The following NUP210 variants were observed in gnomAD, a reference collection of about 807,000 sequenced individuals.
NUP210 encodes nuclear pore membrane glycoprotein 210.
Under a neutral mutation model 196.0 loss-of-function variants are expected in NUP210, and 151 were observed. The ratio of observed to expected loss-of-function variants is 0.77; its 90% CI spans 0.67 to 0.88. The LOEUF is 0.88. NUP210 is among the 40% of genes least tolerant of loss of function. The pLI is 0.00. For synonymous variants in NUP210, 1,070 were observed against 1,052.7 expected, an observed-to-expected ratio of 1.02 and a Z score of -0.32; for missense variants, 2,314 against 2,493.7, an observed-to-expected ratio of 0.93 and a Z score of 1.53.
intron 13 of NUP210, among the ~76,000 whole-genome samples, chr3:13,368,568 T>C (rs532316587): frequency 6.6e-6 from 1 of 152,314 alleles, no homozygotes; most frequent in East Asian, 1.9e-4. Context: ...CTGCACCCAA[T>C]ATACAGTAAC....
In NUP210 at chr3:13,330,447, A is replaced by G; in HGVS notation, c.4110+13T>C. 1 of 1,611,956 alleles carries G rather than the reference A, an allele frequency of 6.2e-7. No individual in the cohort carries two copies. The highest frequency in any genetic ancestry group is 1.1e-5 in the South Asian group (1 of 90,894). On this transcript the variant is annotated intron_variant, in intron 30 of 39. Transcript: ENST00000254508. ...CTTTCATTACTCCAAAAAGGAGGAG[A>G]ATGCAACCCTACCTTTACAGCAACA...
In NUP210 at chr3:13,347,236, G is replaced by A. The variant is rs954375115; in HGVS notation, c.2836-3933C>T. The stretch of plus-strand genomic sequence containing the variant: ...CCCGGCTTCATTCCCTCCTGAATCC[G>A]CAGTGCTTAACACAGCACCTGGCAC... On this transcript the variant is annotated intron_variant, in intron 20 of 39. Coordinates refer to ENST00000254508, the MANE Select transcript of NUP210 (RefSeq NM_024923.4). The surrounding 1 kb of genome is among the most constrained non-coding windows in gnomAD (Gnocchi z 4.7). 2.7e-5 allele frequency: 27 copies of A among 984,742 alleles called. No homozygotes were observed. The East Asian group carries it at 4.5e-4, about 17-fold the overall frequency. The allele number at this position is 984,742 out of a possible 1,614,324, so 61.0% of individuals were successfully genotyped here. A position where few individuals can be genotyped will look rare whatever the true frequency, so the allele number is the denominator to read the frequency against.
chr3:13,337,763 A>T lies in NUP210; in HGVS notation c.3552+74T>A. On this transcript the variant is annotated intron_variant, in intron 26 of 39. Coordinates refer to ENST00000254508, the MANE Select transcript of NUP210 (RefSeq NM_024923.4). ...AGGCAGATGGAGGAGGTGGAGAAGC[A>T]CTCTAACTTGAGGACAGGGTCCCAG... 2.9e-6 allele frequency: 4 copies of T among 1,365,368 alleles called. No homozygotes were observed. The South Asian group carries it at 4.9e-5, about 17-fold the overall frequency. 84.6% of individuals were successfully genotyped at this position (1,365,368 alleles called of 1,614,324 possible).
chr3:13,349,823 G>C (rs1697904898), intron 20 of NUP210, among the ~76,000 whole-genome samples: 1 of 152,234 alleles, frequency 6.6e-6, no homozygotes, highest in South Asian at 2.1e-4. Context: ...GAGAGCCTGG[G>C]AGGTGTGGGC....
chr3:13,332,591 G>A (rs980313774), intron 28 of NUP210, among the ~76,000 whole-genome samples: 1 of 152,136 alleles, frequency 6.6e-6, no homozygotes, highest in African/African-American at 2.4e-5. Flanking sequence ...CTCAGCCAAG[G>A]CAACACAGCA....
rs772821025 is a variant in NUP210, at chr3:13,335,523, C to G, written c.3774G>C (p.Lys1258Asn). The G allele has an allele frequency of 3.1e-6, 5 of 1,614,010 alleles. No homozygotes were observed. Among genetic ancestry groups the G allele is most frequent in the Non-Finnish European group, 4.2e-6 (5 of 1,180,046 alleles). The change falls in exon 28 of 40, where the codon AAG becomes AAC. Residue 1258 changes from lysine to asparagine, a missense_variant. Transcript: ENST00000254508. The part of the protein sequence containing the change: ...KGRTGLRVVV[K>N]AVDPTSGQLY... ...GCTGCCCCGATGTGGGGTCCACAGCCTTGACCACCACCCTCAGCCCGGTCC... is the reference window on the plus strand; with the variant it reads ...GCTGCCCCGATGTGGGGTCCACAGCGTTGACCACCACCCTCAGCCCGGTCC...
intron 3 of NUP210, among the ~76,000 whole-genome samples, chr3:13,391,752 G>A (rs967666627): frequency 2.0e-5 from 3 of 151,440 alleles, no homozygotes; most frequent in African/African-American, 7.3e-5. Context: ...CCAGGGTGGA[G>A]GGGCATTACC....
intron 37 of NUP210, 47 bp downstream of exon 37, chr3:13,319,716 C>A: frequency 6.5e-7 from 1 of 1,544,302 alleles, no homozygotes; most frequent in South Asian, 1.1e-5. Flanking sequence ...TCCTGCCTGT[C>A]CCTCCCCATC....
intron 16 of NUP210, among the ~76,000 whole-genome samples, chr3:13,356,270 G>A (rs536380061): frequency 6.6e-6 from 1 of 152,342 alleles, no homozygotes; most frequent in African/African-American, 2.4e-5. Context: ...CACATCTTGG[G>A]TAGCCTCTGA....
At chr3:13,332,908 A>G (rs1697057206) in intron 28 of NUP210, among the ~76,000 whole-genome samples, 1 of 152,200 alleles carries the variant, frequency 6.6e-6, no homozygotes, top group Non-Finnish European at 1.5e-5. Flanking sequence ...CAACTCCAGC[A>G]CCAGGGTTTG....
In NUP210 at chr3:13,348,818, T is replaced by C; in HGVS notation, c.2835+3061A>G. On this transcript the variant is annotated intron_variant, in intron 20 of 39. Transcript: ENST00000254508. The surrounding 1 kb of genome is among the most constrained non-coding windows in gnomAD (Gnocchi z 4.0). ...CACGGCGCTGAGAAAACATCCTCTTTGCAAGACAGCTGGAGACCAACATCA... is the reference window on the plus strand; with the variant it reads ...CACGGCGCTGAGAAAACATCCTCTTCGCAAGACAGCTGGAGACCAACATCA... 1 of 985,436 alleles carries C rather than the reference T, an allele frequency of 1.0e-6. No homozygotes were observed. Among genetic ancestry groups the C allele is most frequent in the South Asian group, 4.7e-5 (1 of 21,284 alleles). The allele number at this position is 985,436 out of a possible 1,614,324, so 61.0% of individuals were successfully genotyped here.
chr3:13,420,247 C>G lies in NUP210; in HGVS notation c.-21G>C. On this transcript the variant is annotated 5_prime_UTR_variant, in exon 1 of 40. Transcript: ENST00000254508. This position sits in a 1 kb window ranked among gnomAD's most constrained non-coding sequence, Gnocchi z 4.8. ...GCCATCCTCGCCGCGCGTCACCTCC[C>G]GCGACCCTGCGCCCGGCCGCCCGCG... 1 of 1,075,480 alleles carries G rather than the reference C, an allele frequency of 9.3e-7. No individual in the cohort carries two copies. 66.6% of individuals were successfully genotyped at this position (1,075,480 alleles called of 1,614,324 possible).
At chr3:13,406,640 T>C (rs377187135) in intron 1 of NUP210, among the ~76,000 whole-genome samples, 1 of 152,132 alleles carries the variant, frequency 6.6e-6, no homozygotes, top group East Asian at 1.9e-4. Flanking sequence ...GGATTCCACA[T>C]CAAGTTTGGC....
At chr3:13,336,547 T>C (rs944203134) in intron 27 of NUP210, among the ~76,000 whole-genome samples, 1 of 152,166 alleles carries the variant, frequency 6.6e-6, no homozygotes, top group Admixed American at 6.5e-5. Context: ...AGGACTTTTG[T>C]GACTTCCTCA....
chr3:13,344,105 G>A (rs1195171723), intron 20 of NUP210, among the ~76,000 whole-genome samples: 1 of 152,194 alleles, frequency 6.6e-6, no homozygotes, highest in Admixed American at 6.5e-5. Context: ...CTGGAGTGCA[G>A]TGACGGGATC....
At position 13,347,151 on chromosome 3, in the gene NUP210, C is replaced by G. The variant is rs551529829; in HGVS notation, c.2836-3848G>C. 16 of 985,396 alleles carry G rather than the reference C, an allele frequency of 1.6e-5. No homozygotes were observed. The highest frequency in any genetic ancestry group is 4.7e-5 in the South Asian group (1 of 21,286). The allele number at this position is 985,396 out of a possible 1,614,324, so 61.0% of individuals were successfully genotyped here. On this transcript the variant is annotated intron_variant, in intron 20 of 39. Transcript: ENST00000254508. This position sits in a 1 kb window ranked among gnomAD's most constrained non-coding sequence, Gnocchi z 4.7. ...GACCCAGGAGATGGAGAGAAGCAGC[C>G]GCAGCTCATAGGACCCAGGAGATGG...
chr3:13,388,933 C>T (rs1699379485), intron 4 of NUP210, among the ~76,000 whole-genome samples: 1 of 152,250 alleles, frequency 6.6e-6, no homozygotes. Context: ...GACTGGTCCC[C>T]TAGCCCTGGG....
intron 34 of NUP210, among the ~76,000 whole-genome samples, 170 bp from the exon 35 acceptor site, chr3:13,322,509 G>A (rs1420424591): frequency 6.6e-6 from 1 of 152,254 alleles, no homozygotes; most frequent in Non-Finnish European, 1.5e-5. Context: ...GATTGGTAAA[G>A]CCAAGGACAT....
At chr3:13,358,841 T>G (rs1052281922) in intron 15 of NUP210, among the ~76,000 whole-genome samples, 1 of 152,242 alleles carries the variant, frequency 6.6e-6, no homozygotes, top group African/African-American at 2.4e-5. Context: ...ATAGGAGCTC[T>G]GCAGGACAAC....
Sources: gnomAD v4.1 joint callset for allele counts (sites outside exome capture counted in the v4.1 genomes callset) on GRCh38, gnomAD v4.1.1 for gene constraint, Gnocchi (gnomAD v3.1) non-coding constraint, MANE v1.5 for transcripts, NCBI Gene and HGNC (gene_info 2026-07-23, HGNC 2026-07-21) for gene names.